Variants in FAM24B observed in about 807,000 individuals in gnomAD.
The protein encoded by FAM24B is protein FAM24B.
A neutral mutation model predicts 2.3 loss-of-function variants in FAM24B; 3 were observed. That is an observed-to-expected ratio of 1.29 (90% CI 0.59 to 3.32). FAM24B has a LOEUF of 3.32. FAM24B is among the 30% of genes most tolerant of loss of function. The probability of loss-of-function intolerance (pLI) is 0.03; values close to 1 mark genes in which losing one functional copy is unlikely to be tolerated. For missense variants in FAM24B, 98 were observed against 117.2 expected (o/e 0.84, Z 0.76); for synonymous variants, 36 against 46.3 (o/e 0.78, Z 0.90).
intron 1 of FAM24B, among the ~76,000 whole-genome samples, chr10:122,878,029 T>A (rs1429676756): frequency 6.6e-6 from 1 of 152,208 alleles, no homozygotes; most frequent in African/African-American, 2.4e-5. Flanking sequence ...AGAAGAGAAT[T>A]ATAGTATCTA....
chr10:122,868,064 T>C (rs1663003672), intron 1 of FAM24B, among the ~76,000 whole-genome samples: 1 of 151,982 alleles, frequency 6.6e-6, no homozygotes, highest in South Asian at 2.1e-4. Flanking sequence ...TGAATGGATA[T>C]AACTAGAATA....
At chr10:122,873,556 G>A (rs992089065) in intron 1 of FAM24B, among the ~76,000 whole-genome samples, 14 of 152,316 alleles carry the variant, frequency 9.2e-5, no homozygotes, top group East Asian at 3.9e-4. Context: ...CATCCATTCC[G>A]CAGCCCATGG....
rs140362290 is a variant in FAM24B at position 122,858,586 on chromosome 10, G to A, written c.-177-2800C>T. Among the ~76,000 whole-genome samples, 67 of 151,990 alleles carry A rather than the reference G, an allele frequency of 4.4e-4. 1 individual carries two copies. The highest frequency in any genetic ancestry group is 4.1e-4 in the African/African-American group (17 of 41,478). On this transcript the variant is annotated intron_variant, in intron 1 of 3. Transcript: ENST00000368898. ...AAAAAGAGTGTCACTGTGCCCCTGC[G>A]CATCCCTCCCCATACACACCTGTGC...
Position 122,868,657 on chromosome 10 carries a change from C to A in FAM24B, c.-178+10828G>T, listed in dbSNP as rs548860367. Among the ~76,000 whole-genome samples, 1,194 of 151,868 alleles carry A rather than the reference C, an allele frequency of 7.9e-3. 21 individuals are homozygous for A. The highest frequency in any genetic ancestry group is 0.028 in the African/African-American group (1,141 of 41,376). ...CATTCTTAAAGAAAAGAATTTTCAA[C>A]CCAGAATTTCATATCCAGCCAAACT... On this transcript the variant is annotated intron_variant, in intron 1 of 3. Transcript: ENST00000368898.
chr10:122,878,210 C>A (rs76375300), intron 1 of FAM24B, among the ~76,000 whole-genome samples: 10 of 152,116 alleles, frequency 6.6e-5, no homozygotes, highest in African/African-American at 2.4e-4. Context: ...AGGCAGAAGT[C>A]AAGGATAAAG....
chr10:122,869,693 A>G (rs1326915138), intron 1 of FAM24B, among the ~76,000 whole-genome samples: 3 of 152,346 alleles, frequency 2.0e-5, no homozygotes, highest in East Asian at 3.9e-4. Flanking sequence ...TACTGGGTAC[A>G]TAACGAAATG....
rs141625229 is a variant in FAM24B, at chr10:122,849,487, A to C, written c.93-48T>G. On this transcript the variant is annotated intron_variant, in intron 3 of 3. Coordinates refer to ENST00000368898, the MANE Select transcript of FAM24B (RefSeq NM_152644.3). ...GCACAGGCTTAGAATTTTTCTTCTCAGCCCTTTTGTTAGAACTGTTGGGGG... is the reference window on the plus strand; with the variant it reads ...GCACAGGCTTAGAATTTTTCTTCTCCGCCCTTTTGTTAGAACTGTTGGGGG... 4.3e-4 allele frequency: 662 copies of C among 1,531,786 alleles called. 17 individuals are homozygous for C. In the East Asian group the frequency reaches 0.012, roughly 27 times the overall value. The allele number at this position is 1,531,786 out of a possible 1,614,324, so 94.9% of individuals were successfully genotyped here.
intron 1 of FAM24B, among the ~76,000 whole-genome samples, chr10:122,876,936 C>T (rs116466938): frequency 1.2e-3 from 188 of 152,276 alleles, no homozygotes; most frequent in African/African-American, 4.4e-3. Context: ...TGTTTGATTG[C>T]CACTATGCAA....
intron 2 of FAM24B, chr10:122,850,819 G>A (rs565192990): frequency 4.1e-5 from 13 of 320,348 alleles, no homozygotes; most frequent in African/African-American, 2.7e-4. Flanking sequence ...ACAGTGGGAA[G>A]AATCTTTCCC....
At chr10:122,868,972 A>G (rs1458910060) in intron 1 of FAM24B, among the ~76,000 whole-genome samples, 1 of 152,234 alleles carries the variant, frequency 6.6e-6, no homozygotes, top group Non-Finnish European at 1.5e-5. Context: ...TGCTCCAATT[A>G]AAAGGCACAG....
At position 122,851,226 on chromosome 10, in the gene FAM24B, T is replaced by C. The variant is rs111632537; in HGVS notation, c.-35-676A>G. On this transcript the variant is annotated intron_variant, in intron 2 of 3. Transcript: ENST00000368898. ...AAACAATCTGATTGCCAAAGCATAC[T>C]TACCACCTTCTAACTCCTCATGGCT... 6.8e-3 allele frequency among the ~76,000 whole-genome samples: 1,043 copies of C among 152,294 alleles called. 11 individuals are homozygous for C. The highest frequency in any genetic ancestry group is 0.017 in the African/African-American group (723 of 41,560).
At chr10:122,874,993 A>C (rs539724938) in intron 1 of FAM24B, among the ~76,000 whole-genome samples, 2 of 152,282 alleles carry the variant, frequency 1.3e-5, no homozygotes, top group South Asian at 4.1e-4. Context: ...GTTTGGTGTC[A>C]TTAATTTTGG....
chr10:122,850,384 C>A, intron 3 of FAM24B, 40 bp downstream of exon 3: 1 of 1,522,154 alleles, frequency 6.6e-7, no homozygotes, highest in Non-Finnish European at 9.1e-7. Context: ...CCCCATGTGA[C>A]TCACTTTAGT....
chr10:122,853,086 C>G (rs1426512985), intron 2 of FAM24B, among the ~76,000 whole-genome samples: 1 of 152,042 alleles, frequency 6.6e-6, no homozygotes, highest in Non-Finnish European at 1.5e-5. Context: ...CCTAGCTAGC[C>G]TTCCTTCTTC....
At chr10:122,861,493 C>T (rs1428954817) in intron 1 of FAM24B, among the ~76,000 whole-genome samples, 3 of 152,164 alleles carry the variant, frequency 2.0e-5, no homozygotes, top group African/African-American at 7.2e-5. Context: ...TAGCTATCTA[C>T]AAAAACTTTC....
chr10:122,864,017 C>T (rs1299751604), intron 1 of FAM24B, among the ~76,000 whole-genome samples: 1 of 152,166 alleles, frequency 6.6e-6, no homozygotes, highest in Admixed American at 6.5e-5. Context: ...TCACTGATAA[C>T]TCCTGCCACA....
At chr10:122,855,126 G>A (rs1018243104) in intron 2 of FAM24B, 2 of 152,256 alleles carry the variant, frequency 1.3e-5, no homozygotes, top group African/African-American at 4.8e-5. Flanking sequence ...TTGCCCCAGA[G>A]AGAGGATCTC....
chr10:122,868,755 G>A (rs1228519456), intron 1 of FAM24B, among the ~76,000 whole-genome samples: 1 of 151,286 alleles, frequency 6.6e-6, no homozygotes, highest in African/African-American at 2.4e-5. Flanking sequence ...TCACCACCAG[G>A]CCTGCCCTAA....
chr10:122,849,160 A>T lies in FAM24B; in HGVS notation c.*87T>A. 1 of 1,021,924 alleles carries T rather than the reference A, an allele frequency of 9.8e-7. No individual in the cohort carries two copies. Among genetic ancestry groups the T allele is most frequent in the Non-Finnish European group, 1.4e-6 (1 of 724,826 alleles). 63.3% of individuals were successfully genotyped at this position (1,021,924 alleles called of 1,614,324 possible). On this transcript the variant is annotated 3_prime_UTR_variant, in exon 4 of 4. Coordinates refer to ENST00000368898, the MANE Select transcript of FAM24B (RefSeq NM_152644.3). ...AACACTGTAAATTATATAATCTCAC[A>T]TAAAAACACTAGAACTTGATTTGAA...
Sources: gnomAD v4.1 joint callset for allele counts (sites outside exome capture counted in the v4.1 genomes callset) on GRCh38, gnomAD v4.1.1 for gene constraint, MANE v1.5 for transcripts, NCBI Gene and HGNC (gene_info 2026-07-23, HGNC 2026-07-21) for gene names.